TLL2: variants seen among roughly 807,000 people sequenced by gnomAD.
TLL2 encodes tolloid-like protein 2.
Under a neutral mutation model 123.0 loss-of-function variants are expected in TLL2, and 106 were observed. That is an observed-to-expected ratio of 0.86 (90% CI 0.74 to 1.01). TLL2 has a LOEUF of 1.01. TLL2 is among the 50% of genes least tolerant of loss of function. The probability of loss-of-function intolerance (pLI) is 0.00; values close to 1 mark genes in which losing one functional copy is unlikely to be tolerated. For synonymous variants in TLL2, 494 were observed against 516.8 expected (o/e 0.96, Z 0.60); for missense variants, 1,332 against 1,336.7 (o/e 1.00, Z 0.06).
At chr10:96,450,158 C>CCTGGATGGATGGATGG (rs59373048) in intron 2 of TLL2, among the ~76,000 whole-genome samples, 1 of 150,664 alleles carries the variant, frequency 6.6e-6, no homozygotes, top group Non-Finnish European at 1.5e-5. Context: ...TGAATGAATG[C>CCTGGATGGATGGATGG]ATGGATGGAT....
chr10:96,373,433 G>T, intron 19 of TLL2, 163 bp downstream of exon 19: 2 of 675,442 alleles, frequency 3.0e-6, no homozygotes, highest in Non-Finnish European at 4.9e-6. Flanking sequence ...GAGCCACCAC[G>T]CCCAGCTTGA....
At chr10:96,425,361 A>C (rs1458784442) in intron 5 of TLL2, among the ~76,000 whole-genome samples, 1 of 151,860 alleles carries the variant, frequency 6.6e-6, no homozygotes, top group Non-Finnish European at 1.5e-5. Context: ...AAAAATATGT[A>C]TGCATACATA....
At chr10:96,396,971 A>G (rs1263536704) in intron 11 of TLL2, among the ~76,000 whole-genome samples, 1 of 152,152 alleles carries the variant, frequency 6.6e-6, no homozygotes, top group Non-Finnish European at 1.5e-5. Context: ...TGGCGTCAGA[A>G]GGATGGCACT....
chr10:96,429,734 T>A (rs763883397), intron 4 of TLL2, among the ~76,000 whole-genome samples: 18 of 152,226 alleles, frequency 1.2e-4, no homozygotes, highest in Non-Finnish European at 2.4e-4. Context: ...TGCATGTACA[T>A]CTGTGTACTT....
chr10:96,422,747 C>A lies in TLL2; in HGVS notation c.639-20G>T. 6.2e-7 allele frequency: 1 copy of A among 1,613,806 alleles called. No homozygotes were observed. Among genetic ancestry groups the A allele is most frequent in the Non-Finnish European group, 8.5e-7 (1 of 1,179,924 alleles). On this transcript the variant is annotated intron_variant, in intron 5 of 20. Transcript: ENST00000357947. Reference sequence around the variant, plus strand: ...CAACAGCTGGACAATTGCAGGAATACCCAGGTCAGCAGGTCAGAAGACATT... The same window carrying A: ...CAACAGCTGGACAATTGCAGGAATAACCAGGTCAGCAGGTCAGAAGACATT...
In TLL2 at chr10:96,365,084, A is replaced by G. The variant is rs1425897634; in HGVS notation, c.*3004T>C. 6.6e-6 allele frequency: 1 copy of G among 152,278 alleles called. No homozygotes were observed. Among genetic ancestry groups the G allele is most frequent in the Non-Finnish European group, 1.5e-5 (1 of 68,044 alleles). The allele number at this position is 152,278 out of a possible 1,614,324, so 9.4% of individuals were successfully genotyped here. A position where few individuals can be genotyped will look rare whatever the true frequency, so the allele number is the denominator to read the frequency against. On this transcript the variant is annotated 3_prime_UTR_variant, in exon 21 of 21. Coordinates refer to ENST00000357947, the MANE Select transcript of TLL2 (RefSeq NM_012465.4). The stretch of plus-strand genomic sequence containing the variant: ...AGAATTATCTTGGGCCACACATAAA[A>G]TACACTAACGATAGCTGACGAGAAA...
At position 96,386,109 on chromosome 10, in the gene TLL2, G is replaced by T. The variant is rs770831045; in HGVS notation, c.1959C>A (p.Pro653=). 1.2e-6 allele frequency: 2 copies of T among 1,612,452 alleles called. No homozygotes were observed. The highest frequency in any genetic ancestry group is 4.5e-5 in the East Asian group (2 of 44,692). Reference sequence around the variant, plus strand: ...ACTGAAGGGAGATCCGGTACTGAGCGGGGGCCACCACCTGCCAGACACAGT... The same window carrying T: ...ACTGAAGGGAGATCCGGTACTGAGCTGGGGCCACCACCTGCCAGACACAGT... ...NKNCVWQVVA[P]AQYRISLQFE... The change falls in exon 15 of 21, where the codon CCC becomes CCA. Residue 653 remains proline, a synonymous_variant. Coordinates refer to ENST00000357947, the MANE Select transcript of TLL2 (RefSeq NM_012465.4).
chr10:96,469,735 A>G lies in TLL2; in HGVS notation c.286+10614T>C, dbSNP rs542594766. ...CCATCTTAAAAACACAATCTCCTTA[A>G]TGGTGGGAGAAAAAGTGGTTACTGC... On this transcript the variant is annotated intron_variant, in intron 2 of 20. Coordinates refer to ENST00000357947, the MANE Select transcript of TLL2 (RefSeq NM_012465.4). 3.9e-5 allele frequency among the ~76,000 whole-genome samples: 6 copies of G among 152,326 alleles called. No homozygotes were observed. The South Asian group carries it at 1.2e-3, about 32-fold the overall frequency.
chr10:96,460,608 C>T (rs541276336), intron 2 of TLL2, among the ~76,000 whole-genome samples: 93 of 152,260 alleles, frequency 6.1e-4, no homozygotes, highest in African/African-American at 2.2e-3. Flanking sequence ...AAGTGTGTAG[C>T]ATTTCCCCCT....
chr10:96,375,617 C>T (rs960073142), intron 18 of TLL2, among the ~76,000 whole-genome samples: 1 of 152,204 alleles, frequency 6.6e-6, no homozygotes, highest in East Asian at 1.9e-4. Flanking sequence ...AGCAGTTTCC[C>T]CACGGGCAGC....
intron 1 of TLL2, among the ~76,000 whole-genome samples, chr10:96,495,002 G>A (rs1271262415): frequency 6.6e-6 from 1 of 152,150 alleles, no homozygotes; most frequent in African/African-American, 2.4e-5. Context: ...CATGGTCACT[G>A]ACCTTACGTT....
At chr10:96,389,000 T>C (rs922890199) in intron 13 of TLL2, among the ~76,000 whole-genome samples, 1 of 152,196 alleles carries the variant, frequency 6.6e-6, no homozygotes, top group Non-Finnish European at 1.5e-5. Flanking sequence ...GTAATAAGTA[T>C]GCTAAAATAG....
In TLL2 at chr10:96,370,139, C is replaced by T. The variant is rs1004762502; in HGVS notation, c.2839G>A (p.Gly947Ser). 3 of 1,613,940 alleles carry T rather than the reference C, an allele frequency of 1.9e-6. No homozygotes were observed. The highest frequency in any genetic ancestry group is 1.3e-5 in the African/African-American group (1 of 74,936). The change falls in exon 20 of 21, where the codon GGC (glycine) becomes AGC (serine). Residue 947 changes from glycine (G) to serine (S), a missense_variant. Transcript: ENST00000357947. ...TCGTAGGCTTCCATGTAGTCGTAGC[C>T]GCAGTCGGCCTCCTCCTCAACCTCA... is the stretch of plus-strand genomic sequence containing the variant. ...TFEVEEEADC[G>S]YDYMEAYDGY...
intron 10 of TLL2, among the ~76,000 whole-genome samples, chr10:96,399,372 G>C (rs911400556): frequency 6.6e-6 from 1 of 152,178 alleles, no homozygotes; most frequent in African/African-American, 2.4e-5. Flanking sequence ...GTGAGGCTAT[G>C]AGCAGGTGAG....
At chr10:96,389,018 T>G (rs1392327962) in intron 13 of TLL2, among the ~76,000 whole-genome samples, 1 of 151,480 alleles carries the variant, frequency 6.6e-6, no homozygotes, top group Non-Finnish European at 1.5e-5. Flanking sequence ...TAGTAACAAG[T>G]GTGCAGTTAC....
At chr10:96,456,442 T>A (rs1325606286) in intron 2 of TLL2, among the ~76,000 whole-genome samples, 2 of 152,064 alleles carry the variant, frequency 1.3e-5, no homozygotes, top group African/African-American at 2.4e-5. Context: ...AGATGACACA[T>A]GAGGCCTGAG....
intron 19 of TLL2, among the ~76,000 whole-genome samples, chr10:96,372,548 T>C (rs1846093532): frequency 6.6e-6 from 1 of 152,228 alleles, no homozygotes; most frequent in Non-Finnish European, 1.5e-5. Flanking sequence ...GTAGATAATA[T>C]AAGTTATAAG....
chr10:96,417,715 A>G (rs1846577762), intron 7 of TLL2, among the ~76,000 whole-genome samples: 1 of 152,174 alleles, frequency 6.6e-6, no homozygotes, highest in Non-Finnish European at 1.5e-5. Flanking sequence ...CGCCACATGA[A>G]GGAGAACCAA....
At chr10:96,439,859 C>G (rs187872042) in intron 3 of TLL2, among the ~76,000 whole-genome samples, 4 of 152,332 alleles carry the variant, frequency 2.6e-5, no homozygotes, top group East Asian at 1.9e-4. Flanking sequence ...GGCCTGGACA[C>G]TTTTGGCCCA....
Sources: allele counts gnomAD v4.1 joint callset (sites outside exome capture counted in the v4.1 genomes callset), GRCh38; gene constraint gnomAD v4.1.1; transcripts MANE v1.5; gene names NCBI Gene and HGNC (gene_info 2026-07-23, HGNC 2026-07-21).